MAX: variants seen among roughly 807,000 people sequenced by gnomAD.
MAX encodes the protein MYC associated transcriptional regulator X.
MAX carries 3 observed loss-of-function variants against 22.3 expected under a neutral mutation model. That is an observed-to-expected ratio of 0.13 (90% CI 0.06 to 0.35). MAX has a LOEUF of 0.35. Among genes scored for constraint, MAX ranks in the 10% least tolerant of loss-of-function variants. The pLI, the probability that MAX is intolerant of heterozygous loss-of-function variation, is 1.00. For synonymous variants in MAX, 72 were observed against 77.7 expected, an observed-to-expected ratio of 0.93 and a Z score of 0.39; for missense variants, 119 against 209.4, an observed-to-expected ratio of 0.57 and a Z score of 2.66.
At chr14:65,019,772 G>T (rs1595035370) in intron 3 of MAX, among the ~76,000 whole-genome samples, 1 of 152,254 alleles carries the variant, frequency 6.6e-6, no homozygotes, top group Non-Finnish European at 1.5e-5. Context: ...TTACTTCTAG[G>T]TGCAGAAAAC....
intron 3 of MAX, among the ~76,000 whole-genome samples, chr14:65,059,116 G>A (rs1224945850): frequency 2.6e-5 from 4 of 152,082 alleles, no homozygotes; most frequent in African/African-American, 9.7e-5. Context: ...TGGAACTCCT[G>A]GGCTCAAGCT....
At position 65,054,514 on chromosome 14, in the gene MAX, C is replaced by T; in HGVS notation, c.171+39194G>A. 5.3e-6 allele frequency: 8 copies of T among 1,523,262 alleles called. No individual in the cohort carries two copies. In the South Asian group the frequency reaches 9.5e-5, roughly 18 times the overall value. 94.4% of individuals were successfully genotyped at this position (1,523,262 alleles called of 1,614,324 possible). On this transcript the variant is annotated intron_variant, in intron 3 of 3. Coordinates refer to the MAX transcript ENST00000341653. The surrounding 1 kb of genome is among the most constrained non-coding windows in gnomAD (Gnocchi z 4.4). ...ACCAGTGGTCTCTGAATTGGTGTGG[C>T]TACATTTGTAGATGTGTGCGGAGCA...
intron 3 of MAX, among the ~76,000 whole-genome samples, chr14:65,065,158 T>C (rs567408519): frequency 1.8e-4 from 28 of 152,250 alleles, no homozygotes; most frequent in African/African-American, 6.3e-4. Flanking sequence ...AGCTCTTTCC[T>C]ATTAGGGGAT....
intron 3 of MAX, among the ~76,000 whole-genome samples, chr14:65,042,702 C>T (rs965566841): frequency 6.6e-6 from 1 of 152,138 alleles, no homozygotes; most frequent in Non-Finnish European, 1.5e-5. Context: ...TTCCTATAGC[C>T]CAAGGAAACA....
chr14:65,026,845 G>A (rs1466590005), intron 3 of MAX, among the ~76,000 whole-genome samples: 1 of 151,536 alleles, frequency 6.6e-6, no homozygotes, highest in African/African-American at 2.4e-5. Flanking sequence ...CTGGGCGACC[G>A]AGGGCAACCC....
chr14:65,053,626 T>TAAAAAAAAAAAAAAA (rs201689378), intron 3 of MAX, among the ~76,000 whole-genome samples: 1 of 144,324 alleles, frequency 6.9e-6, no homozygotes, highest in Non-Finnish European at 1.5e-5. Flanking sequence ...TTCTTTTTTT[T>TAAAAAAAAAAAAAAA]AAAAAAAACA....
Position 65,101,112 on chromosome 14 carries a change from G to A in MAX, c.63+434C>T, listed in dbSNP as rs534159654. Among the ~76,000 whole-genome samples the A allele has an allele frequency of 9.8e-5, 15 of 152,298 alleles. No homozygotes were observed. The East Asian group carries it at 2.9e-3, about 29-fold the overall frequency. On this transcript the variant is annotated intron_variant, in intron 2 of 4. Transcript: ENST00000358664. ...GGGTCTATAGCAGTCACATGACTTG[G>A]TTAAAGGCGATTACCGCATGTGGCT...
At chr14:65,043,114 T>C (rs2062388269) in intron 3 of MAX, among the ~76,000 whole-genome samples, 1 of 152,170 alleles carries the variant, frequency 6.6e-6, no homozygotes, top group Non-Finnish European at 1.5e-5. Context: ...CCCTCCCCTG[T>C]ACCCTTTCAG....
At chr14:65,097,397 TC>T (rs960352787) in intron 2 of MAX, among the ~76,000 whole-genome samples, 4 of 152,204 alleles carry the variant, frequency 2.6e-5, no homozygotes, top group Non-Finnish European at 5.9e-5. Flanking sequence ...TAATCTTATT[TC>T]CTCCAAGTTC....
chr14:65,101,981 G>A (rs1172241536), intron 1 of MAX, among the ~76,000 whole-genome samples: 1 of 152,190 alleles, frequency 6.6e-6, no homozygotes, highest in Non-Finnish European at 1.5e-5. Flanking sequence ...CGGACAATGG[G>A]ATCCCGGGCG....
At position 65,076,226 on chromosome 14, in the gene MAX, T is replaced by C. The variant is rs2063051744; in HGVS notation, c.*250A>G. ...AAGCTGCCAAGTTGGGGTGTTTTGG[T>C]TTAAAAATTCCTGTTGGGGACAGGG... On this transcript the variant is annotated 3_prime_UTR_variant, in exon 5 of 5. Transcript: ENST00000358664. The surrounding 1 kb of genome is among the most constrained non-coding windows in gnomAD (Gnocchi z 6.6). 1.4e-6 allele frequency: 2 copies of C among 1,421,692 alleles called. No homozygotes were observed. The highest frequency in any genetic ancestry group is 2.9e-5 in the African/African-American group (2 of 69,554). 88.1% of individuals were successfully genotyped at this position (1,421,692 alleles called of 1,614,324 possible).
chr14:65,041,378 C>T (rs1280491674), intron 3 of MAX, among the ~76,000 whole-genome samples: 4 of 152,102 alleles, frequency 2.6e-5, no homozygotes, highest in Non-Finnish European at 5.9e-5. Flanking sequence ...GAAGGCAGCC[C>T]AACATTTATG....
intron 3 of MAX, among the ~76,000 whole-genome samples, chr14:65,050,380 T>TA (rs2062579055): frequency 1.3e-5 from 2 of 152,138 alleles, no homozygotes; most frequent in African/African-American, 4.8e-5. Context: ...CAGATCATTT[T>TA]AGGAGTTCGA....
intron 3 of MAX, among the ~76,000 whole-genome samples, chr14:65,059,884 A>G (rs1256146894): frequency 7.0e-6 from 1 of 142,816 alleles, no homozygotes; most frequent in Non-Finnish European, 1.5e-5. Flanking sequence ...CCCAGGTTAG[A>G]GTGCAGTGGC....
chr14:65,035,692 G>C (rs1182369152), intron 3 of MAX, among the ~76,000 whole-genome samples: 1 of 151,696 alleles, frequency 6.6e-6, no homozygotes, highest in African/African-American at 2.4e-5. Context: ...ACCATAACCA[G>C]CTAATGTTTA....
intron 3 of MAX, among the ~76,000 whole-genome samples, chr14:65,065,517 G>C (rs1176937264): frequency 6.6e-6 from 1 of 152,176 alleles, no homozygotes; most frequent in Non-Finnish European, 1.5e-5. Context: ...GGGGTAGCCT[G>C]TTGCTCCTAG....
chr14:65,040,297 G>GTA (rs1052430691), intron 3 of MAX, among the ~76,000 whole-genome samples: 72 of 148,502 alleles, frequency 4.8e-4, no homozygotes, highest in African/African-American at 1.7e-3. Context: ...ATATATATAT[G>GTA]TATATATATG....
In MAX at chr14:65,075,322, G is replaced by A; in HGVS notation, c.*1154C>T. 1 of 1,062,486 alleles carries A rather than the reference G, an allele frequency of 9.4e-7. No individual in the cohort carries two copies. Among genetic ancestry groups the A allele is most frequent in the South Asian group, 4.6e-5 (1 of 21,960 alleles). 65.8% of individuals were successfully genotyped at this position (1,062,486 alleles called of 1,614,324 possible). ...AGTAGGAAAAAGACAAAGAAATGAG[G>A]CCTAAACACACAAAACCCTTCACTG... On this transcript the variant is annotated 3_prime_UTR_variant, in exon 5 of 5. Coordinates refer to ENST00000358664, the MANE Select transcript of MAX (RefSeq NM_002382.5). The surrounding 1 kb of genome is among the most constrained non-coding windows in gnomAD (Gnocchi z 4.1).
chr14:65,102,326 T>C lies in MAX; in HGVS notation c.14A>G (p.Asp5Gly), dbSNP rs150113270. The C allele has an allele frequency of 6.8e-6, 11 of 1,613,658 alleles. No individual in the cohort carries two copies. Among genetic ancestry groups the C allele is most frequent in the Non-Finnish European group, 9.3e-6 (11 of 1,179,812 alleles). ...CACGTCGCTCTCCACCTCGATGTCA[T>C]CGTTATCGCTCATTTCCTACGGCCC... MSDNDDIEVESDEEQ... is the reference protein window; with the variant it reads MSDNGDIEVESDEEQ... The change falls in exon 1 of 5, where the codon GAT becomes GGT. Residue 5 changes from aspartate (D) to glycine (G), a missense_variant. By Grantham distance (94) the Asp-to-Gly change is moderately conservative (BLOSUM62 -1). Transcript: ENST00000358664.
Sources: gnomAD v4.1 joint callset for allele counts (sites outside exome capture counted in the v4.1 genomes callset) on GRCh38, gnomAD v4.1.1 for gene constraint, Gnocchi (gnomAD v3.1) non-coding constraint, MANE v1.5 for transcripts, NCBI Gene and HGNC (gene_info 2026-07-23, HGNC 2026-07-21) for gene names.